The following AKAP13 variants were observed in gnomAD, a reference collection of about 807,000 sequenced individuals.
The protein encoded by AKAP13 is A-kinase anchoring protein 13, also known as A-kinase anchor protein 13.
Under a neutral mutation model 264.5 loss-of-function variants are expected in AKAP13, and 80 were observed. The ratio of observed to expected loss-of-function variants is 0.30; its 90% CI spans 0.25 to 0.36. The LOEUF (loss-of-function observed/expected upper bound fraction) is 0.36, where lower values mean the gene tolerates loss of function less well. Among genes scored for constraint, AKAP13 ranks in the 10% least tolerant of loss-of-function variants. AKAP13 has a pLI of 1.00. For synonymous variants in AKAP13, 1,380 were observed against 1,250.2 expected, an observed-to-expected ratio of 1.10 and a Z score of -2.19; for missense variants, 3,712 against 3,435.2, an observed-to-expected ratio of 1.08 and a Z score of -2.01.
chr15:85,693,296 A>G lies in AKAP13; in HGVS notation c.5309A>G (p.Asp1770Gly). The G allele has an allele frequency of 4.4e-6, 7 of 1,594,870 alleles. No homozygotes were observed. The highest frequency in any genetic ancestry group is 1.7e-4 in the Middle Eastern group (1 of 5,998). Residue 1770 changes from aspartate to glycine, a missense_variant, in exon 17 of 37, where the codon GAT becomes GGT. By Grantham distance (94) the Asp-to-Gly change is moderately conservative. This residue lies in a region of AKAP13 where 2,759 missense variants were observed against 2,411.7 expected (regional missense o/e 1.14). Transcript: ENST00000394518. ...CGGCAGGAAAAGGAAAAAGAAAAAGATAAGATTAAGGAGAAGGAGAAAGAT... is the reference window on the plus strand; with the variant it reads ...CGGCAGGAAAAGGAAAAAGAAAAAGGTAAGATTAAGGAGAAGGAGAAAGAT... ...KKSKEKEKEK[D>G]KIKEKEKDSK...
intron 1 of AKAP13, among the ~76,000 whole-genome samples, chr15:85,423,806 A>G (rs900622265): frequency 3.3e-5 from 5 of 152,274 alleles, no homozygotes; most frequent in African/African-American, 9.6e-5. Flanking sequence ...TTCTTAAATC[A>G]TAAGACTTGA....
chr15:85,705,865 T>C (rs12438445), intron 17 of AKAP13, among the ~76,000 whole-genome samples: 9,283 of 143,836 alleles, frequency 0.065, 423 homozygotes, highest in Admixed American at 0.16. Flanking sequence ...GTCTGTGTTT[T>C]ATAATTTATT....
rs1018189044 is a variant in AKAP13, at chr15:85,677,024, C to A, written c.5102-5134C>A. On this transcript the variant is annotated intron_variant, in intron 14 of 36. Transcript: ENST00000394518. ...AGGCGGATCTCCATCAGCATCTCTC[C>A]GCTCCTCCTTAAGTCTAAAACTCTC... is the stretch of plus-strand genomic sequence containing the variant. 1.7e-5 allele frequency: 17 copies of A among 985,348 alleles called. No individual in the cohort carries two copies. The South Asian group carries it at 4.7e-4, about 27-fold the overall frequency. The allele number at this position is 985,348 out of a possible 1,614,324, so 61.0% of individuals were successfully genotyped here. A position where few individuals can be genotyped will look rare whatever the true frequency, so the allele number is the denominator to read the frequency against.
chr15:85,581,477 C>G lies in AKAP13; in HGVS notation c.3409C>G (p.Gln1137Glu). The G allele has an allele frequency of 6.2e-7, 1 of 1,614,188 alleles. No individual in the cohort carries two copies. Among genetic ancestry groups the G allele is most frequent in the East Asian group, 2.2e-5 (1 of 44,890 alleles). The change falls in exon 7 of 37, where the codon CAG becomes GAG. Residue 1137 changes from glutamine to glutamate, a missense_variant. Gln to Glu is a conservative substitution (Grantham distance 29). Coordinates refer to ENST00000394518, the MANE Select transcript of AKAP13 (RefSeq NM_007200.5). ...NAVLGLPVAL[Q>E]DKAVTDPQGV... Reference sequence around the variant, plus strand: ...CGTTCTAGGTTTGCCAGTGGCTCTACAGGACAAAGCTGTGACTGACCCACA... The same window carrying G: ...CGTTCTAGGTTTGCCAGTGGCTCTAGAGGACAAAGCTGTGACTGACCCACA...
At chr15:85,491,954 T>C (rs1387787814) in intron 2 of AKAP13, among the ~76,000 whole-genome samples, 2 of 152,126 alleles carry the variant, frequency 1.3e-5, no homozygotes, top group African/African-American at 4.8e-5. Context: ...TCGTCATACA[T>C]AAGGAAACAT....
intron 8 of AKAP13, among the ~76,000 whole-genome samples, chr15:85,610,099 A>G (rs1384600648): frequency 1.3e-5 from 2 of 152,226 alleles, no homozygotes; most frequent in Non-Finnish European, 2.9e-5. Flanking sequence ...CTGAATGGGT[A>G]AAGAAATTTG....
Position 85,708,590 on chromosome 15 carries a change from G to T in AKAP13, c.5532+504G>T, listed in dbSNP as rs1250054358. Among the ~76,000 whole-genome samples, 2 of 152,132 alleles carry T rather than the reference G, an allele frequency of 1.3e-5. No individual in the cohort carries two copies. The highest frequency in any genetic ancestry group is 2.9e-5 in the Non-Finnish European group (2 of 68,014). On this transcript the variant is annotated intron_variant, in intron 18 of 36. Coordinates refer to ENST00000394518, the MANE Select transcript of AKAP13 (RefSeq NM_007200.5). The surrounding 1 kb of genome is among the most constrained non-coding windows in gnomAD (Gnocchi z 4.3). ...TGATCACATGACGTAAGAATAGAAA[G>T]TGCCTGTTTTATGGTGGTATCTGCC... is the stretch of plus-strand genomic sequence containing the variant.
At position 85,727,318 on chromosome 15, in the gene AKAP13, A is replaced by C. The variant is rs1451616636; in HGVS notation, c.7005-63A>C. ...TCTGTGTGATTTCATAACAGGCTGG[A>C]CTGTGACCAGAGTAATTGACATCTT... On this transcript the variant is annotated intron_variant, in intron 28 of 36. Coordinates refer to ENST00000394518, the MANE Select transcript of AKAP13 (RefSeq NM_007200.5). The surrounding 1 kb of genome is among the most constrained non-coding windows in gnomAD (Gnocchi z 5.3). 6.2e-7 allele frequency: 1 copy of C among 1,613,224 alleles called. No individual in the cohort carries two copies. The highest frequency in any genetic ancestry group is 2.2e-5 in the East Asian group (1 of 44,862).
Position 85,693,471 on chromosome 15 carries a change from C to G in AKAP13, c.5464+20C>G, listed in dbSNP as rs374305504. On this transcript the variant is annotated intron_variant, in intron 17 of 36. Transcript: ENST00000394518. The stretch of plus-strand genomic sequence containing the variant: ...GTGCAAGTAAGAGACATGCTTCTTC[C>G]TCTCGTAAGATGGAACTCTCTTGGC... 1 of 1,609,494 alleles carries G rather than the reference C, an allele frequency of 6.2e-7. No individual in the cohort carries two copies. The highest frequency in any genetic ancestry group is 8.5e-7 in the Non-Finnish European group (1 of 1,178,808).
chr15:85,507,052 C>A (rs981477760), intron 2 of AKAP13, among the ~76,000 whole-genome samples: 3 of 152,094 alleles, frequency 2.0e-5, no homozygotes, highest in Non-Finnish European at 4.4e-5. Flanking sequence ...TCTCCTCTGG[C>A]AAATTTTCTT....
Position 85,581,752 on chromosome 15 carries a change from C to T in AKAP13, c.3684C>T (p.Pro1228=), listed in dbSNP as rs1204883118. Reference sequence around the variant, plus strand: ...CTTCAGGCAGGGAAAGGAGCACTCCCTCTCTACCTTGCATGGTCTCTGCCC... The same window carrying T: ...CTTCAGGCAGGGAAAGGAGCACTCCTTCTCTACCTTGCATGGTCTCTGCCC... The part of the protein sequence containing the change: ...APPSGRERST[P]SLPCMVSAQD... The change falls in exon 7 of 37, where the codon CCC becomes CCT. Residue 1228 remains proline (P), a synonymous_variant. Transcript: ENST00000394518. 8 of 1,614,044 alleles carry T rather than the reference C, an allele frequency of 5.0e-6. No individual in the cohort carries two copies. In the East Asian group the frequency reaches 8.9e-5, roughly 18 times the overall value.
chr15:85,601,181 AG>A (rs1039764441), intron 8 of AKAP13, among the ~76,000 whole-genome samples: 3 of 152,212 alleles, frequency 2.0e-5, no homozygotes, highest in Non-Finnish European at 4.4e-5. Flanking sequence ...CATTAAAAAG[AG>A]TTACTCATGT....
chr15:85,543,699 C>T, intron 4 of AKAP13, 73 bp from the exon 5 acceptor site: 6 of 1,460,672 alleles, frequency 4.1e-6, no homozygotes, highest in Non-Finnish European at 5.5e-6. Flanking sequence ...GTTTACATAA[C>T]TTGTCTTTAT....
chr15:85,470,544 T>A (rs1166882201), intron 1 of AKAP13, among the ~76,000 whole-genome samples: 4 of 152,212 alleles, frequency 2.6e-5, no homozygotes, highest in African/African-American at 7.2e-5. Flanking sequence ...CCTAGAGAGA[T>A]TACGTGGTTT....
rs1426280845 is a variant in AKAP13, at chr15:85,581,355, C to G, written c.3287C>G (p.Ala1096Gly). 6.2e-7 allele frequency: 1 copy of G among 1,614,076 alleles called. No homozygotes were observed. The highest frequency in any genetic ancestry group is 8.5e-7 in the Non-Finnish European group (1 of 1,180,036). ...ACGGTGGATGTTACAGGGGTTAATG[C>G]TCTACAAGGTATGGCTGAGCCCAGA... ...DVTVDVTGVN[A>G]LQGMAEPRRE... Residue 1096 changes from alanine to glycine, a missense_variant, in exon 7 of 37, where the codon GCT (alanine) becomes GGT (glycine). Coordinates refer to ENST00000394518, the MANE Select transcript of AKAP13 (RefSeq NM_007200.5).
intron 14 of AKAP13, among the ~76,000 whole-genome samples, chr15:85,677,421 A>G (rs542893972): frequency 1.2e-4 from 18 of 152,160 alleles, no homozygotes; most frequent in Non-Finnish European, 2.5e-4. Context: ...ACTGTATGCT[A>G]ATTTCACAAA....
intron 17 of AKAP13, among the ~76,000 whole-genome samples, chr15:85,698,285 G>C (rs898435974): frequency 6.6e-6 from 1 of 151,356 alleles, no homozygotes; most frequent in Non-Finnish European, 1.5e-5. Context: ...TGGCCAATGC[G>C]GTGAAACCCC....
chr15:85,473,970 A>G (rs1325263432), intron 1 of AKAP13, among the ~76,000 whole-genome samples: 1 of 152,242 alleles, frequency 6.6e-6, no homozygotes, highest in Non-Finnish European at 1.5e-5. Flanking sequence ...CAATGAGGAA[A>G]TAAAATCCTC....
At position 85,736,068 on chromosome 15, in the gene AKAP13, A is replaced by G. The variant is rs377266694; in HGVS notation, c.7513-22A>G. On this transcript the variant is annotated intron_variant, in intron 32 of 36. Coordinates refer to ENST00000394518, the MANE Select transcript of AKAP13 (RefSeq NM_007200.5). ...TGCATCAAGATCTTCATTTTTTTAT[A>G]TGTATGTTTTTTGTTTTATAGGGTG... The G allele has an allele frequency of 8.4e-6, 13 of 1,554,430 alleles. No individual in the cohort carries two copies. In the African/African-American group the frequency reaches 9.5e-5, roughly 11 times the overall value.
Sources: gnomAD v4.1 joint callset for allele counts (sites outside exome capture counted in the v4.1 genomes callset) on GRCh38, gnomAD v4.1.1 for gene constraint, gnomAD v4.1.1 regional missense constraint, Gnocchi (gnomAD v3.1) non-coding constraint, MANE v1.5 for transcripts, NCBI Gene and HGNC (gene_info 2026-07-23, HGNC 2026-07-21) for gene names.